The following NBEA variants were observed in gnomAD, a reference collection of about 807,000 sequenced individuals.
NBEA encodes the protein neurobeachin.
A neutral mutation model predicts 343.4 loss-of-function variants in NBEA; 44 were observed. The observed-to-expected ratio is 0.13, with a 90% CI of 0.10 to 0.16. The LOEUF (loss-of-function observed/expected upper bound fraction) is 0.16. NBEA is among the 10% of genes least tolerant of loss of function. The pLI, the probability that NBEA is intolerant of heterozygous loss-of-function variation, is 1.00. For missense variants in NBEA, 2,555 were observed against 3,631.3 expected (o/e 0.70, Z 7.62); for synonymous variants, 1,175 against 1,238.7 (o/e 0.95, Z 1.08).
intron 38 of NBEA, among the ~76,000 whole-genome samples, chr13:35,416,920 T>G (rs1156585638): frequency 2.6e-5 from 4 of 152,152 alleles, no homozygotes; most frequent in Admixed American, 6.6e-5. Flanking sequence ...CAGAACCTGT[T>G]ATTGGTCTAT....
intron 41 of NBEA, among the ~76,000 whole-genome samples, chr13:35,488,410 C>T (rs140801496): frequency 4.0e-5 from 6 of 151,874 alleles, no homozygotes; most frequent in Non-Finnish European, 7.4e-5. Context: ...AAATGTGTAA[C>T]TAAGAAGCCT....
chr13:35,465,315 A>T (rs2047110667), intron 40 of NBEA, among the ~76,000 whole-genome samples: 1 of 152,184 alleles, frequency 6.6e-6, no homozygotes, highest in African/African-American at 2.4e-5. Flanking sequence ...ATAGGTGAAC[A>T]AGATAATAAC....
chr13:35,263,977 C>T (rs2033444595), intron 34 of NBEA, among the ~76,000 whole-genome samples: 2 of 147,594 alleles, frequency 1.4e-5, no homozygotes, highest in Admixed American at 1.3e-4. Context: ...ATTGACAACA[C>T]AAAGAGTTGT....
chr13:35,652,888 G>A (rs2084625166), intron 53 of NBEA, among the ~76,000 whole-genome samples: 1 of 150,006 alleles, frequency 6.7e-6, no homozygotes, highest in African/African-American at 2.5e-5. Context: ...TGGAGTCAGG[G>A]TTTCACCGTG....
intron 17 of NBEA, among the ~76,000 whole-genome samples, chr13:35,124,635 C>CAT (rs2066995676): frequency 7.7e-6 from 1 of 129,092 alleles, no homozygotes; most frequent in African/African-American, 2.7e-5. Flanking sequence ...TATACATACA[C>CAT]ACACATATAT....
chr13:35,572,974 T>C (rs930891858), intron 45 of NBEA, among the ~76,000 whole-genome samples: 1 of 152,156 alleles, frequency 6.6e-6, no homozygotes. Context: ...ACTAGGTGTG[T>C]TAGTGGTAGG....
At chr13:35,572,170 A>G (rs976710336) in intron 45 of NBEA, among the ~76,000 whole-genome samples, 11 of 152,202 alleles carry the variant, frequency 7.2e-5, no homozygotes, top group Admixed American at 5.9e-4. Flanking sequence ...GGTATTCCTT[A>G]TGGAGATGTA....
At chr13:35,548,934 C>T (rs1472168304) in intron 41 of NBEA, among the ~76,000 whole-genome samples, 1 of 152,170 alleles carries the variant, frequency 6.6e-6, no homozygotes, top group Non-Finnish European at 1.5e-5. Context: ...ATCAATGGAA[C>T]TTAATAGCCA....
intron 55 of NBEA, among the ~76,000 whole-genome samples, chr13:35,662,397 G>A (rs2153085550): frequency 6.6e-6 from 1 of 152,272 alleles, no homozygotes; most frequent in East Asian, 1.9e-4. Context: ...TTAACCCTGG[G>A]CTACATCCAT....
chr13:35,609,188 G>T (rs73171593), intron 48 of NBEA, among the ~76,000 whole-genome samples: 1 of 152,166 alleles, frequency 6.6e-6, no homozygotes, highest in East Asian at 1.9e-4. Context: ...TTATTAATTT[G>T]CTAATGTTTA....
chr13:35,142,086 T>C (rs2068123669), intron 17 of NBEA, among the ~76,000 whole-genome samples, 183 bp from the exon 18 acceptor site: 1 of 152,256 alleles, frequency 6.6e-6, no homozygotes, highest in Non-Finnish European at 1.5e-5. Context: ...TTTTAACTAA[T>C]AGTCTTGGAA....
chr13:35,183,187 C>T (rs2071436155), intron 29 of NBEA, among the ~76,000 whole-genome samples: 1 of 151,960 alleles, frequency 6.6e-6, no homozygotes, highest in Non-Finnish European at 1.5e-5. Flanking sequence ...ACAGCATAAA[C>T]ACAGTTTCTG....
intron 41 of NBEA, among the ~76,000 whole-genome samples, chr13:35,504,018 C>T (rs1280091601): frequency 6.6e-6 from 1 of 151,978 alleles, no homozygotes; most frequent in Non-Finnish European, 1.5e-5. Context: ...TACAGTTTTA[C>T]ATGAAAGACC....
chr13:35,538,784 T>C (rs1167783253), intron 41 of NBEA, among the ~76,000 whole-genome samples: 2 of 152,240 alleles, frequency 1.3e-5, no homozygotes, highest in South Asian at 2.1e-4. Context: ...TCAAAAAGTT[T>C]CTGATTTTTG....
intron 55 of NBEA, among the ~76,000 whole-genome samples, chr13:35,662,247 T>A (rs2085127594): frequency 6.6e-6 from 1 of 152,200 alleles, no homozygotes; most frequent in Non-Finnish European, 1.5e-5. Flanking sequence ...AATCTAAAAA[T>A]TGGACGTGTT....
chr13:35,395,016 T>G (rs994048246), intron 38 of NBEA, among the ~76,000 whole-genome samples: 1 of 152,178 alleles, frequency 6.6e-6, no homozygotes, highest in African/African-American at 2.4e-5. Context: ...CATGTATTAT[T>G]TAGAAGTATG....
Position 35,159,659 on chromosome 13 carries a change from C to G in NBEA, c.3488C>G (p.Ser1163Cys), listed in dbSNP as rs773592580. 1 of 1,611,302 alleles carries G rather than the reference C, an allele frequency of 6.2e-7. No homozygotes were observed. The highest frequency in any genetic ancestry group is 8.5e-7 in the Non-Finnish European group (1 of 1,178,800). The part of the protein sequence containing the change: ...KQEEKLLPEL[S>C]SNHIIPNIQD... Reference sequence around the variant, plus strand: ...GAGGAAAAACTACTTCCTGAACTTTCTAGCAATCACATTATTCCAAATATT... The same window carrying G: ...GAGGAAAAACTACTTCCTGAACTTTGTAGCAATCACATTATTCCAAATATT... Residue 1163 changes from serine to cysteine, a missense_variant, in exon 22 of 59, where the codon TCT (serine) becomes TGT (cysteine). This residue lies in a region of NBEA where 367 missense variants were observed against 377.5 expected (regional missense o/e 0.97). Coordinates refer to ENST00000379939, the MANE Select transcript of NBEA (RefSeq NM_001385012.1).
intron 34 of NBEA, among the ~76,000 whole-genome samples, chr13:35,265,995 T>A (rs2033640110): frequency 6.6e-6 from 1 of 151,688 alleles, no homozygotes; most frequent in Non-Finnish European, 1.5e-5. Context: ...GTAACTTAAC[T>A]AAGCCAGAAA....
chr13:34,989,734 T>C (rs936736860), intron 1 of NBEA, among the ~76,000 whole-genome samples: 2 of 150,672 alleles, frequency 1.3e-5, no homozygotes, highest in African/African-American at 4.8e-5. Flanking sequence ...AGACCCCCAA[T>C]GTCTTAACTC....
Sources: allele counts gnomAD v4.1 joint callset (sites outside exome capture counted in the v4.1 genomes callset), GRCh38; gene constraint gnomAD v4.1.1; regional missense constraint gnomAD v4.1.1; transcripts MANE v1.5; gene names NCBI Gene and HGNC (gene_info 2026-07-23, HGNC 2026-07-21).